RAD51B: variants seen among roughly 807,000 people sequenced by gnomAD.
The protein encoded by RAD51B is DNA repair protein RAD51 homolog 2.
RAD51B carries 38 observed loss-of-function variants against 42.2 expected under a neutral mutation model. The observed-to-expected ratio is 0.90, with a 90% CI of 0.70 to 1.18. The LOEUF is 1.18. Among genes scored for constraint, RAD51B ranks in the 50% most tolerant of loss-of-function variants. The probability of loss-of-function intolerance (pLI) is 0.00; values close to 1 mark genes in which losing one functional copy is unlikely to be tolerated. For missense variants in RAD51B, 373 were observed against 400.7 expected (o/e 0.93, Z 0.59); for synonymous variants, 154 against 145.2 (o/e 1.06, Z -0.43).
chr14:68,416,524 T>G (rs1289128134), intron 9 of RAD51B, among the ~76,000 whole-genome samples: 1 of 152,258 alleles, frequency 6.6e-6, no homozygotes, highest in Non-Finnish European at 1.5e-5. Context: ...TCCCTGTAGC[T>G]ACTCGTGAAC....
At chr14:68,673,443 C>A (rs531379607) in intron 11 of RAD51B, among the ~76,000 whole-genome samples, 2 of 151,926 alleles carry the variant, frequency 1.3e-5, no homozygotes, top group South Asian at 2.1e-4. Flanking sequence ...CATGCACACA[C>A]GTACACATAC....
At chr14:67,942,095 C>T (rs1210468827) in intron 7 of RAD51B, among the ~76,000 whole-genome samples, 1 of 152,064 alleles carries the variant, frequency 6.6e-6, no homozygotes, top group South Asian at 2.1e-4. Context: ...GGTTATAATT[C>T]ATAGAGAATT....
chr14:68,283,871 A>G (rs910577735), intron 7 of RAD51B, among the ~76,000 whole-genome samples: 2 of 152,356 alleles, frequency 1.3e-5, no homozygotes, highest in African/African-American at 4.8e-5. Flanking sequence ...AGGGAGCCAC[A>G]TGGTTATCTT....
intron 7 of RAD51B, among the ~76,000 whole-genome samples, chr14:68,034,670 T>C (rs994047308): frequency 2.6e-5 from 4 of 152,212 alleles, no homozygotes; most frequent in Admixed American, 6.5e-5. Flanking sequence ...AATTAAATAA[T>C]GGATGTCCCT....
At chr14:68,281,708 G>A (rs1003184484) in intron 7 of RAD51B, among the ~76,000 whole-genome samples, 2 of 152,194 alleles carry the variant, frequency 1.3e-5, no homozygotes, top group South Asian at 2.1e-4. Flanking sequence ...GATGTCATAT[G>A]AGAGGCGACA....
chr14:68,089,179 A>G (rs2077049279), intron 7 of RAD51B, among the ~76,000 whole-genome samples: 1 of 152,104 alleles, frequency 6.6e-6, no homozygotes, highest in Admixed American at 6.5e-5. Context: ...AGACAGTTCA[A>G]GTATCTAACT....
chr14:68,206,149 T>A (rs1367708126), intron 7 of RAD51B, among the ~76,000 whole-genome samples: 1 of 152,198 alleles, frequency 6.6e-6, no homozygotes, highest in Non-Finnish European at 1.5e-5. Context: ...TTTTAAAAAT[T>A]TGTCTGATGT....
intron 8 of RAD51B, among the ~76,000 whole-genome samples, chr14:68,302,249 G>C (rs893190262): frequency 6.6e-6 from 1 of 152,208 alleles, no homozygotes; most frequent in African/African-American, 2.4e-5. Context: ...TCTATGGGAA[G>C]CTCACAATCA....
intron 7 of RAD51B, among the ~76,000 whole-genome samples, chr14:67,925,271 C>T (rs1452886101): frequency 6.7e-5 from 10 of 148,308 alleles, no homozygotes; most frequent in African/African-American, 2.4e-4. Flanking sequence ...GGTGGATTTA[C>T]CATTCTTCTT....
chr14:68,449,007 T>C (rs1293724306), intron 9 of RAD51B, among the ~76,000 whole-genome samples: 1 of 152,254 alleles, frequency 6.6e-6, no homozygotes, highest in Non-Finnish European at 1.5e-5. Context: ...TATAATGTTA[T>C]ATAAACTACT....
At chr14:68,033,032 C>A (rs1322646691) in intron 7 of RAD51B, among the ~76,000 whole-genome samples, 1 of 152,144 alleles carries the variant, frequency 6.6e-6, no homozygotes, top group African/African-American at 2.4e-5. Flanking sequence ...CTAGGTACTT[C>A]TGTGGTCTGT....
intron 10 of RAD51B, among the ~76,000 whole-genome samples, chr14:68,496,437 C>T (rs1392656956): frequency 6.6e-6 from 1 of 152,204 alleles, no homozygotes; most frequent in Non-Finnish European, 1.5e-5. Flanking sequence ...GCCTGTAATG[C>T]TGGTCTCCTG....
At chr14:68,382,406 T>C (rs563930709) in intron 8 of RAD51B, among the ~76,000 whole-genome samples, 1 of 152,226 alleles carries the variant, frequency 6.6e-6, no homozygotes, top group Non-Finnish European at 1.5e-5. Flanking sequence ...ATCAGCGCCA[T>C]AAGATATTTT....
intron 10 of RAD51B, among the ~76,000 whole-genome samples, chr14:68,574,328 T>C (rs1265335814): frequency 6.6e-6 from 1 of 152,106 alleles, no homozygotes; most frequent in Non-Finnish European, 1.5e-5. Flanking sequence ...GCTCAAGCGA[T>C]CCACCCGCCT....
chr14:68,191,484 A>G (rs920356331), intron 7 of RAD51B, among the ~76,000 whole-genome samples: 2 of 152,208 alleles, frequency 1.3e-5, no homozygotes, highest in African/African-American at 4.8e-5. Context: ...TTTAGTTTTC[A>G]TCTGTTATGG....
chr14:68,178,357 T>C (rs2078999278), intron 7 of RAD51B, among the ~76,000 whole-genome samples: 1 of 152,202 alleles, frequency 6.6e-6, no homozygotes. Context: ...CTTCCCACTT[T>C]ACAGTGTGTT....
chr14:68,165,327 A>G (rs1200901737), intron 7 of RAD51B, among the ~76,000 whole-genome samples: 1 of 152,136 alleles, frequency 6.6e-6, no homozygotes, highest in Admixed American at 6.5e-5. Context: ...AAAAACCTGG[A>G]AACCTCTATA....
chr14:68,465,439 T>C (rs2085950585), intron 9 of RAD51B, among the ~76,000 whole-genome samples: 1 of 152,216 alleles, frequency 6.6e-6, no homozygotes, highest in Non-Finnish European at 1.5e-5. Flanking sequence ...AGAACCTGGC[T>C]ACTCAAAATG....
At chr14:68,540,920 G>C in intron 10 of RAD51B, 1 of 985,432 alleles carries the variant, frequency 1.0e-6, no homozygotes, top group South Asian at 4.7e-5. Flanking sequence ...GTGAAGTTTG[G>C]AAAGAGAGGC....
Sources: allele counts gnomAD v4.1 joint callset (sites outside exome capture counted in the v4.1 genomes callset), GRCh38; gene constraint gnomAD v4.1.1; transcripts MANE v1.5; gene names NCBI Gene and HGNC (gene_info 2026-07-23, HGNC 2026-07-21).